The following PVT1 variants were observed in gnomAD, a reference collection of about 807,000 sequenced individuals.
The protein encoded by PVT1 is Pvt1 oncogene.
intron 3 of PVT1, among the ~76,000 whole-genome samples, chr8:127,927,183 C>A (rs567276884): frequency 1.3e-5 from 2 of 152,136 alleles, no homozygotes; most frequent in East Asian, 1.9e-4. Flanking sequence ...TGGGACTATT[C>A]GTCTCTACTC....
chr8:128,081,533 A>G (rs1814178644), intron 5 of PVT1, among the ~76,000 whole-genome samples: 1 of 152,196 alleles, frequency 6.6e-6, no homozygotes, highest in South Asian at 2.1e-4. Flanking sequence ...ATTAATCCTC[A>G]GAATAAACCT....
chr8:127,926,648 C>T (rs1288285563), intron 3 of PVT1, among the ~76,000 whole-genome samples: 1 of 152,200 alleles, frequency 6.6e-6, no homozygotes, highest in Non-Finnish European at 1.5e-5. Context: ...GCCACCTTCC[C>T]TTCCTTTCTC....
chr8:127,814,353 G>A (rs1476689066), intron 2 of PVT1, among the ~76,000 whole-genome samples: 1 of 152,230 alleles, frequency 6.6e-6, no homozygotes, highest in Non-Finnish European at 1.5e-5. Context: ...GGGTTTCTGT[G>A]TGAAGTCGGC....
intron 2 of PVT1, among the ~76,000 whole-genome samples, chr8:127,840,359 G>T (rs1814960371): frequency 6.6e-6 from 1 of 152,196 alleles, no homozygotes; most frequent in Non-Finnish European, 1.5e-5. Context: ...CAGACTACGT[G>T]CCTCATGCCA....
chr8:128,059,132 C>T (rs753609570), intron 4 of PVT1, among the ~76,000 whole-genome samples: 12 of 152,164 alleles, frequency 7.9e-5, no homozygotes, highest in Middle Eastern at 3.2e-3. Context: ...CAATGGCTCA[C>T]GTCAGAAAGA....
intron 5 of PVT1, among the ~76,000 whole-genome samples, chr8:128,077,908 T>C (rs1359786153): frequency 1.3e-5 from 2 of 152,120 alleles, no homozygotes; most frequent in Non-Finnish European, 2.9e-5. Context: ...CTTGGTGGTG[T>C]GGGGTTGGTG....
intron 2 of PVT1, among the ~76,000 whole-genome samples, chr8:127,812,982 A>G (rs1814615639): frequency 6.6e-6 from 1 of 152,028 alleles, no homozygotes; most frequent in South Asian, 2.1e-4. Flanking sequence ...GAGCATTGAC[A>G]ATGATAATAT....
chr8:127,800,546 T>TTTA (rs1308796600), intron 2 of PVT1, among the ~76,000 whole-genome samples: 1 of 152,076 alleles, frequency 6.6e-6, no homozygotes, highest in African/African-American at 2.4e-5. Context: ...AGTTGCTATG[T>TTTA]TTATTATTAT....
At chr8:128,052,485 C>T (rs1238463243) in intron 4 of PVT1, among the ~76,000 whole-genome samples, 2 of 152,168 alleles carry the variant, frequency 1.3e-5, no homozygotes, top group Non-Finnish European at 2.9e-5. Context: ...TGTAATTGCT[C>T]ATCTGGATTT....
At chr8:128,030,325 A>G (rs1441722414) in intron 4 of PVT1, among the ~76,000 whole-genome samples, 1 of 152,204 alleles carries the variant, frequency 6.6e-6, no homozygotes, top group Admixed American at 6.5e-5. Context: ...ATTTCATTTC[A>G]TATTAAATTC....
chr8:127,892,265 G>A (rs1413777568), intron 3 of PVT1, among the ~76,000 whole-genome samples: 6 of 152,288 alleles, frequency 3.9e-5, no homozygotes, highest in South Asian at 2.1e-4. Context: ...ATATTCATAT[G>A]TGCAATTTAC....
chr8:128,098,369 G>C (rs1722415539), intron 6 of PVT1, among the ~76,000 whole-genome samples: 1 of 152,142 alleles, frequency 6.6e-6, no homozygotes, highest in South Asian at 2.1e-4. Context: ...GCCTGGCAGA[G>C]GGGTGCAGGA....
At chr8:127,966,900 C>T (rs998228570) in intron 3 of PVT1, among the ~76,000 whole-genome samples, 21 of 151,886 alleles carry the variant, frequency 1.4e-4, no homozygotes, top group Non-Finnish European at 2.2e-4. Flanking sequence ...TTTTTTTCTT[C>T]CCTTGATGTG....
intron 4 of PVT1, among the ~76,000 whole-genome samples, chr8:128,044,426 G>A (rs900154811): frequency 6.6e-6 from 1 of 152,112 alleles, no homozygotes; most frequent in Non-Finnish European, 1.5e-5. Context: ...AAATGCATAA[G>A]TCTCTATTTT....
chr8:127,977,429 T>C (rs1471207912), intron 3 of PVT1, among the ~76,000 whole-genome samples: 2 of 152,170 alleles, frequency 1.3e-5, no homozygotes, highest in Non-Finnish European at 2.9e-5. Context: ...AGTTCAAAGG[T>C]TGGATTATTT....
intron 2 of PVT1, among the ~76,000 whole-genome samples, chr8:127,870,233 C>T (rs28641555): frequency 0.22 from 33,477 of 152,078 alleles, 4,341 homozygotes; most frequent in African/African-American, 0.34. Context: ...TGTAGAGATA[C>T]AGGGAGAAGG....
intron 4 of PVT1, among the ~76,000 whole-genome samples, chr8:128,043,555 G>T (rs183367985): frequency 2.9e-4 from 44 of 152,258 alleles, no homozygotes; most frequent in African/African-American, 9.4e-4. Flanking sequence ...AGGAGCCTCA[G>T]CAGCCCATCC....
At chr8:127,988,576 C>T (rs1188760625) in intron 3 of PVT1, among the ~76,000 whole-genome samples, 1 of 152,228 alleles carries the variant, frequency 6.6e-6, no homozygotes, top group Non-Finnish European at 1.5e-5. Context: ...ATAAGAATCT[C>T]TAGTGAGGCT....
At position 127,826,994 on chromosome 8, in the gene PVT1, C is replaced by CTTTTTTTTT. The variant is rs5894901; in HGVS notation, n.372+30933_372+30941dup. 6.1e-5 allele frequency among the ~76,000 whole-genome samples: 7 copies of CTTTTTTTTT among 113,938 alleles called. 1 individual carries two copies. The highest frequency in any genetic ancestry group is 1.2e-4 in the Non-Finnish European group (7 of 58,908). The allele number at this position is 113,938 out of a possible 152,430, so 74.7% of individuals were successfully genotyped here. ...TTTCTTTTTCTTTCTTTCTTTTTCT[C>CTTTTTTTTT]TTTTTTTTTTTTTTTTTTGAGATGG... is the stretch of plus-strand genomic sequence containing the variant. On this transcript the variant is annotated intron_variant and non_coding_transcript_variant, in intron 2 of 10. Transcript: ENST00000651587.
Sources: allele counts gnomAD v4.1 joint callset (sites outside exome capture counted in the v4.1 genomes callset), GRCh38; gene constraint gnomAD v4.1.1; transcripts MANE v1.5; gene names NCBI Gene and HGNC (gene_info 2026-07-23, HGNC 2026-07-21).